CCNK: variants seen among roughly 807,000 people sequenced by gnomAD.
CCNK encodes cyclin-K.
Under a neutral mutation model 65.0 loss-of-function variants are expected in CCNK, and 9 were observed. The observed-to-expected ratio is 0.14, with a 90% confidence interval of 0.08 to 0.24. The LOEUF is 0.24. CCNK is among the 10% of genes least tolerant of loss of function. The probability of loss-of-function intolerance (pLI) is 1.00; values close to 1 mark genes in which losing one functional copy is unlikely to be tolerated. For missense variants in CCNK, 474 were observed against 720.0 expected (o/e 0.66, Z 3.91); for synonymous variants, 279 against 270.8 (o/e 1.03, Z -0.30).
chr14:99,510,400 A>G lies in CCNK; in HGVS notation c.1361A>G (p.Glu454Gly). Reference protein sequence around the residue: ...YQSLQSMMKTEGPSYGALPPA... With the variant: ...YQSLQSMMKTGGPSYGALPPA... ...AGCCTGCAGTCCATGATGAAGACCG[A>G]GGGACCCTCCTACGGTGCCCTGCCC... Residue 454 changes from glutamate (E) to glycine (G), a missense_variant, in exon 11 of 11, where the codon GAG becomes GGG. This residue lies in a region of CCNK where 229 missense variants were observed against 275.5 expected (regional missense o/e 0.83). Transcript: ENST00000389879. 1.3e-6 allele frequency: 2 copies of G among 1,560,632 alleles called. No individual in the cohort carries two copies. Among genetic ancestry groups the G allele is most frequent in the Non-Finnish European group, 1.7e-6 (2 of 1,154,406 alleles).
chr14:99,502,439 A>G (rs1896856119), intron 7 of CCNK, 63 bp downstream of exon 7: 5 of 1,559,054 alleles, frequency 3.2e-6, no homozygotes, highest in Non-Finnish European at 4.3e-6. Flanking sequence ...TTCCATGTGT[A>G]CCCTGAGTCC....
At chr14:99,490,291 C>T (rs181790649) in intron 1 of CCNK, among the ~76,000 whole-genome samples, 60 of 152,310 alleles carry the variant, frequency 3.9e-4, no homozygotes, top group African/African-American at 1.4e-3. Flanking sequence ...TAACCAAGAG[C>T]TCATGGTTAA....
At position 99,493,035 on chromosome 14, in the gene CCNK, G is replaced by C. The variant is rs1896628003; in HGVS notation, c.197+161G>C. On this transcript the variant is annotated intron_variant, in intron 2 of 10. Transcript: ENST00000389879. ...TTCTGGTGGGGGTTTTTCTCTTTCT[G>C]ATTTGTCATTTTAAAGGTGTAGACT... is the stretch of plus-strand genomic sequence containing the variant. 8 of 705,582 alleles carry C rather than the reference G, an allele frequency of 1.1e-5. No homozygotes were observed. In the South Asian group the frequency reaches 1.8e-4, roughly 16 times the overall value. 43.7% of individuals were successfully genotyped at this position (705,582 alleles called of 1,614,324 possible).
In CCNK at chr14:99,502,884, A is replaced by G; in HGVS notation, c.911A>G (p.Gln304Arg). 1 of 1,613,444 alleles carries G rather than the reference A, an allele frequency of 6.2e-7. No homozygotes were observed. The highest frequency in any genetic ancestry group is 8.5e-7 in the Non-Finnish European group (1 of 1,179,586). ...AGCTCCGAACCATCCCAGCCCCAGC[A>G]GAAGGACCCCCAGCAACCAGCCCAG... ...SQSSEPSQPQ[Q>R]KDPQQPAQQQ... The change falls in exon 8 of 11, where the codon CAG becomes CGG. Residue 304 changes from glutamine to arginine, a missense_variant. Transcript: ENST00000389879.
At position 99,512,308 on chromosome 14, in the gene CCNK, CG is replaced by C. The variant is rs1403431379; in HGVS notation, c.*1529del. On this transcript the variant is annotated 3_prime_UTR_variant, in exon 11 of 11. Transcript: ENST00000389879. ...TTCTACAGAAAATAGACGTAGCTGC[CG>C]GGCCCGGGGACAGAAACCAGACGTT... 6.6e-6 allele frequency: 1 copy of C among 151,944 alleles called. No homozygotes were observed. The highest frequency in any genetic ancestry group is 1.5e-5 in the Non-Finnish European group (1 of 68,004). The allele number at this position is 151,944 out of a possible 1,614,324, so 9.4% of individuals were successfully genotyped here. A position where few individuals can be genotyped will look rare whatever the true frequency, so the allele number is the denominator to read the frequency against.
At chr14:99,482,493 C>T (rs1307015316) in intron 1 of CCNK, among the ~76,000 whole-genome samples, 2 of 152,094 alleles carry the variant, frequency 1.3e-5, no homozygotes, top group African/African-American at 4.8e-5. Flanking sequence ...ATTAAAGTGC[C>T]CTTAGGATGC....
intron 1 of CCNK, among the ~76,000 whole-genome samples, chr14:99,484,132 C>T (rs1240717861): frequency 1.3e-5 from 2 of 152,210 alleles, no homozygotes; most frequent in African/African-American, 4.8e-5. Context: ...ATGTAACATT[C>T]CACTTAAACA....
chr14:99,483,061 C>T (rs1040501613), intron 1 of CCNK, among the ~76,000 whole-genome samples: 3 of 152,106 alleles, frequency 2.0e-5, no homozygotes, highest in Non-Finnish European at 2.9e-5. Context: ...TTTGAAAAAT[C>T]CTAAAAGTAC....
At chr14:99,501,628 G>A in intron 6 of CCNK, 1 of 521,082 alleles carries the variant, frequency 1.9e-6, no homozygotes, top group Non-Finnish European at 3.4e-6. Context: ...GTTGTGAGGT[G>A]CTGAAATTTT....
At chr14:99,503,286 T>C (rs906924375) in intron 8 of CCNK, 1 of 618,810 alleles carries the variant, frequency 1.6e-6, no homozygotes, top group African/African-American at 1.8e-5. Flanking sequence ...TCGTTGTGCA[T>C]GCTGCTTCTG....
chr14:99,497,985 GC>G (rs1896737360), intron 4 of CCNK, among the ~76,000 whole-genome samples: 1 of 152,172 alleles, frequency 6.6e-6, no homozygotes, highest in Non-Finnish European at 1.5e-5. Flanking sequence ...GAGTAGTGGG[GC>G]CCTGTGTCCT....
Position 99,510,169 on chromosome 14 carries a change from C to A in CCNK, c.1130C>A (p.Pro377His). The A allele has an allele frequency of 6.3e-7, 1 of 1,597,378 alleles. No individual in the cohort carries two copies. Residue 377 changes from proline to histidine, a missense_variant, in exon 11 of 11, where the codon CCC becomes CAC. This residue lies in a region of CCNK where 229 missense variants were observed against 275.5 expected (regional missense o/e 0.83). Coordinates refer to ENST00000389879, the MANE Select transcript of CCNK (RefSeq NM_001099402.2). ...PAHPPPDRKP[P>H]LAAALGEAEP... is the part of the protein sequence containing the mutation. ...CTCTCTCCTGCAGACCGGAAGCCTC[C>A]CCTCGCTGCTGCCTTAGGTGAGGCT...
At position 99,488,648 on chromosome 14, in the gene CCNK, C is replaced by G. The variant is rs1172627695; in HGVS notation, c.-52-3978C>G. On this transcript the variant is annotated intron_variant, in intron 1 of 10. Transcript: ENST00000389879. The stretch of plus-strand genomic sequence containing the variant: ...CAGGTTTTCACCCTATTAGTGATGT[C>G]AAGTGTGATCATTTTGTTAAGGATC... Among the ~76,000 whole-genome samples, 5 of 152,212 alleles carry G rather than the reference C, an allele frequency of 3.3e-5. No homozygotes were observed. The East Asian group carries it at 5.8e-4, about 18-fold the overall frequency.
intron 4 of CCNK, among the ~76,000 whole-genome samples, chr14:99,497,019 C>G (rs1196086008): frequency 7.2e-6 from 1 of 138,286 alleles, no homozygotes; most frequent in Non-Finnish European, 1.6e-5. Flanking sequence ...CCAACACATG[C>G]ACAGCTTCCC....
At chr14:99,503,149 G>A (rs972750343) in intron 8 of CCNK, 165 bp downstream of exon 8, 1 of 810,966 alleles carries the variant, frequency 1.2e-6, no homozygotes, top group Non-Finnish European at 2.1e-6. Flanking sequence ...GAAAACAAAG[G>A]TGCTCCAAGG....
At chr14:99,489,500 T>C (rs1218828217) in intron 1 of CCNK, among the ~76,000 whole-genome samples, 12 of 152,162 alleles carry the variant, frequency 7.9e-5, no homozygotes, top group Admixed American at 7.9e-4. Context: ...ACTGCACTTA[T>C]AGCCTGGGTG....
At position 99,510,692 on chromosome 14, in the gene CCNK, C is replaced by T. The variant is rs756324514; in HGVS notation, c.1653C>T (p.Pro551=). 6 of 1,414,588 alleles carry T rather than the reference C, an allele frequency of 4.2e-6. No homozygotes were observed. The highest frequency in any genetic ancestry group is 5.5e-6 in the Non-Finnish European group (6 of 1,083,486). The allele number at this position is 1,414,588 out of a possible 1,614,324, so 87.6% of individuals were successfully genotyped here. A position where few individuals can be genotyped will look rare whatever the true frequency, so the allele number is the denominator to read the frequency against. ...CCAGCTACCCACCTCCTGCCGTCCC[C>T]CCTGGAGGACAGCCTCCTGTGCCCC... ...PPASYPPPAV[P]PGGQPPVPPP... The change falls in exon 11 of 11, where the codon CCC becomes CCT. Residue 551 remains proline, a synonymous_variant. Coordinates refer to ENST00000389879, the MANE Select transcript of CCNK (RefSeq NM_001099402.2).
chr14:99,497,629 T>G (rs139519022), intron 4 of CCNK, among the ~76,000 whole-genome samples: 50 of 152,352 alleles, frequency 3.3e-4, no homozygotes, highest in Admixed American at 1.2e-3. Context: ...ATTCATGGTG[T>G]TGTTTTTCCT....
At chr14:99,484,872 A>G (rs1896445851) in intron 1 of CCNK, among the ~76,000 whole-genome samples, 1 of 152,200 alleles carries the variant, frequency 6.6e-6, no homozygotes, top group African/African-American at 2.4e-5. Context: ...GTCTTTTATG[A>G]TGTAAAATGA....
Sources: allele counts gnomAD v4.1 joint callset (sites outside exome capture counted in the v4.1 genomes callset), GRCh38; gene constraint gnomAD v4.1.1; regional missense constraint gnomAD v4.1.1; transcripts MANE v1.5; gene names NCBI Gene and HGNC (gene_info 2026-07-23, HGNC 2026-07-21).